Variants in GRID2 observed in about 807,000 individuals in gnomAD.
The protein encoded by GRID2 is glutamate receptor ionotropic, delta-2.
In GRID2, 33 loss-of-function variants were observed where a neutral mutation model predicts 114.8. The observed-to-expected ratio is 0.29, with a 90% confidence interval of 0.22 to 0.38. GRID2 has a LOEUF of 0.38. GRID2 is among the 10% of genes least tolerant of loss of function. GRID2 has a pLI of 1.00. For synonymous variants in GRID2, 505 were observed against 449.9 expected (o/e 1.12, Z -1.55); for missense variants, 1,184 against 1,257.7 (o/e 0.94, Z 0.89).
intron 2 of GRID2, among the ~76,000 whole-genome samples, chr4:93,030,400 T>TC (rs986447649): frequency 2.0e-5 from 3 of 151,322 alleles, no homozygotes; most frequent in Non-Finnish European, 4.4e-5. Flanking sequence ...TTTTTTTTTT[T>TC]CTGAGATGGA....
intron 8 of GRID2, among the ~76,000 whole-genome samples, chr4:93,349,801 A>C (rs186333199): frequency 1.7e-4 from 26 of 152,218 alleles, no homozygotes; most frequent in Admixed American, 1.4e-3. Context: ...AAAAAATCCT[A>C]ATGGAACAAT....
rs1014503471 is a variant in GRID2, at chr4:93,547,662, C to T, written c.2193+32251C>T. Among the ~76,000 whole-genome samples, 11 of 152,242 alleles carry T rather than the reference C, an allele frequency of 7.2e-5. No individual in the cohort carries two copies. The South Asian group carries it at 1.0e-3, about 14-fold the overall frequency. On this transcript the variant is annotated intron_variant, in intron 13 of 15. Coordinates refer to ENST00000282020, the MANE Select transcript of GRID2 (RefSeq NM_001510.4). Reference sequence around the variant, plus strand: ...AGTACTTCTGTCACCCAATTATGAACGTGAAGTTTGTGAGAGCCTTGGGAA... The same window carrying T: ...AGTACTTCTGTCACCCAATTATGAATGTGAAGTTTGTGAGAGCCTTGGGAA...
Position 92,787,039 on chromosome 4 carries a change from T to C in GRID2, c.244+196753T>C, listed in dbSNP as rs940317399. Among the ~76,000 whole-genome samples, 2 of 152,042 alleles carry C rather than the reference T, an allele frequency of 1.3e-5. 1 individual carries two copies. The highest frequency in any genetic ancestry group is 1.3e-4 in the Admixed American group (2 of 15,212). On this transcript the variant is annotated intron_variant, in intron 2 of 15. Coordinates refer to ENST00000282020, the MANE Select transcript of GRID2 (RefSeq NM_001510.4). ...AAAGTCAATATATGTTTGGGTGATTTCTGGTGTTTTGCTTTTACAAACACA... is the reference window on the plus strand; with the variant it reads ...AAAGTCAATATATGTTTGGGTGATTCCTGGTGTTTTGCTTTTACAAACACA...
intron 2 of GRID2, among the ~76,000 whole-genome samples, chr4:92,993,673 T>C (rs1323201037): frequency 6.6e-6 from 1 of 152,192 alleles, no homozygotes; most frequent in Admixed American, 6.5e-5. Context: ...TGTTTCCACA[T>C]AGATCTCAGG....
At chr4:92,606,884 G>A (rs1014347294) in intron 2 of GRID2, among the ~76,000 whole-genome samples, 1 of 151,938 alleles carries the variant, frequency 6.6e-6, no homozygotes, top group African/African-American at 2.4e-5. Flanking sequence ...ACAAAACACA[G>A]TAAGGGTGCC....
At chr4:92,800,240 G>A (rs1740087441) in intron 2 of GRID2, among the ~76,000 whole-genome samples, 1 of 151,656 alleles carries the variant, frequency 6.6e-6, no homozygotes, top group Non-Finnish European at 1.5e-5. Context: ...GACTAACTGG[G>A]AAGATGGCAT....
At chr4:93,189,131 T>G (rs1560966797) in intron 4 of GRID2, among the ~76,000 whole-genome samples, 1 of 152,202 alleles carries the variant, frequency 6.6e-6, no homozygotes, top group African/African-American at 2.4e-5. Context: ...CTCCACATTT[T>G]AAGTTATTTG....
At chr4:93,598,187 C>G (rs143903383) in intron 13 of GRID2, among the ~76,000 whole-genome samples, 5 of 152,132 alleles carry the variant, frequency 3.3e-5, no homozygotes, top group Non-Finnish European at 7.4e-5. Context: ...ATTTCACACC[C>G]GGGCGGTCTG....
intron 3 of GRID2, among the ~76,000 whole-genome samples, chr4:93,109,105 C>A (rs911584310): frequency 2.0e-5 from 3 of 152,118 alleles, no homozygotes; most frequent in African/African-American, 7.2e-5. Context: ...CAAATTTAAC[C>A]CTTTGCTTAA....
rs1002271792 is a variant in GRID2 at position 93,588,611 on chromosome 4, ACCCACCCAG to A, written c.2194-37656_2194-37648del. ...AGCTAATGCTCTCATTCTGATTCATACCCACCCAGCTTCTCCACTGAAGTCAATGAGAAA... is the reference window on the plus strand; with the variant it reads ...AGCTAATGCTCTCATTCTGATTCATACTTCTCCACTGAAGTCAATGAGAAA... On this transcript the variant is annotated intron_variant, in intron 13 of 15. Transcript: ENST00000282020. Among the ~76,000 whole-genome samples the A allele has an allele frequency of 3.3e-5, 5 of 152,236 alleles. No homozygotes were observed. The East Asian group carries it at 9.7e-4, about 29-fold the overall frequency.
At chr4:92,537,784 G>GTGT (rs1725720430) in intron 1 of GRID2, among the ~76,000 whole-genome samples, 1 of 125,934 alleles carries the variant, frequency 7.9e-6, no homozygotes, top group African/African-American at 2.8e-5. Flanking sequence ...AAAAACTTGC[G>GTGT]GTGTGTGTGT....
chr4:92,756,468 A>G (rs1357932508), intron 2 of GRID2, among the ~76,000 whole-genome samples: 1 of 152,128 alleles, frequency 6.6e-6, no homozygotes, highest in Admixed American at 6.5e-5. Context: ...TGTAGTAGTG[A>G]GATTATTCAA....
At chr4:93,476,755 GGGA>G (rs1295176040) in intron 11 of GRID2, among the ~76,000 whole-genome samples, 3 of 152,066 alleles carry the variant, frequency 2.0e-5, no homozygotes, top group Non-Finnish European at 2.9e-5. Flanking sequence ...GAAGTATTCT[GGGA>G]GTCAATAAGT....
At chr4:92,591,322 A>G (rs1260447620) in intron 2 of GRID2, among the ~76,000 whole-genome samples, 1 of 152,214 alleles carries the variant, frequency 6.6e-6, no homozygotes, top group Non-Finnish European at 1.5e-5. Flanking sequence ...GCTGGTCTCC[A>G]GAACTGTAAG....
intron 13 of GRID2, among the ~76,000 whole-genome samples, chr4:93,535,094 A>T (rs1002357657): frequency 1.3e-5 from 2 of 151,872 alleles, no homozygotes; most frequent in African/African-American, 2.4e-5. Flanking sequence ...TTTAGATTCC[A>T]CATGTAAATG....
intron 2 of GRID2, among the ~76,000 whole-genome samples, chr4:92,704,713 C>CTCTCTT (rs1734859308): frequency 6.8e-6 from 1 of 147,684 alleles, no homozygotes; most frequent in Admixed American, 6.8e-5. Context: ...CTCTCTCTCT[C>CTCTCTT]TCTCTCTCTT....
chr4:92,343,914 A>T (rs935207361), intron 1 of GRID2, among the ~76,000 whole-genome samples: 23 of 152,208 alleles, frequency 1.5e-4, no homozygotes, highest in Non-Finnish European at 3.2e-4. Flanking sequence ...AAAGTAAGCC[A>T]AAGAAATCAT....
At chr4:92,993,169 T>A (rs1312099203) in intron 2 of GRID2, among the ~76,000 whole-genome samples, 1 of 152,060 alleles carries the variant, frequency 6.6e-6, no homozygotes, top group Non-Finnish European at 1.5e-5. Flanking sequence ...TCTTTTTGTT[T>A]GTACTTGATT....
chr4:92,732,684 G>A (rs1328867108), intron 2 of GRID2, among the ~76,000 whole-genome samples: 1 of 151,930 alleles, frequency 6.6e-6, no homozygotes, highest in Non-Finnish European at 1.5e-5. Context: ...TTCCTTCTTA[G>A]AATTAACATA....
Sources: allele counts gnomAD v4.1 joint callset (sites outside exome capture counted in the v4.1 genomes callset), GRCh38; gene constraint gnomAD v4.1.1; transcripts MANE v1.5; gene names NCBI Gene and HGNC (gene_info 2026-07-23, HGNC 2026-07-21).